Variants in OSBPL11 observed in about 807,000 individuals in gnomAD.
OSBPL11 encodes the protein oxysterol binding protein like 11, also known as oxysterol-binding protein-related protein 11.
OSBPL11 carries 33 observed loss-of-function variants against 84.4 expected under a neutral mutation model. That is an observed-to-expected ratio of 0.39 (90% CI 0.30 to 0.52). The LOEUF is 0.52. Ranked by LOEUF, OSBPL11 falls within the 20% of genes least tolerant of loss-of-function variation. OSBPL11 has a pLI of 0.72. For missense variants in OSBPL11, 736 were observed against 901.1 expected, an observed-to-expected ratio of 0.82 and a Z score of 2.35; for synonymous variants, 276 against 310.2, an observed-to-expected ratio of 0.89 and a Z score of 1.16.
chr3:125,546,563 C>T (rs1254566041), intron 10 of OSBPL11, among the ~76,000 whole-genome samples: 5 of 152,038 alleles, frequency 3.3e-5, no homozygotes, highest in Non-Finnish European at 7.4e-5. Flanking sequence ...AAATCCTGAC[C>T]TCAGGTGATC....
At chr3:125,569,383 T>C (rs1461851795) in intron 5 of OSBPL11, among the ~76,000 whole-genome samples, 1 of 151,964 alleles carries the variant, frequency 6.6e-6, no homozygotes, top group East Asian at 1.9e-4. Context: ...CATTTACCCA[T>C]CCCAGAAAAA....
At chr3:125,580,098 C>CA in intron 2 of OSBPL11, 58 bp from the exon 3 acceptor site, 1 of 1,434,120 alleles carries the variant, frequency 7.0e-7, no homozygotes, top group Non-Finnish European at 9.6e-7. Context: ...CAAACTAAAG[C>CA]AAAGCAAACT....
chr3:125,579,874 T>C lies in OSBPL11; in HGVS notation c.400A>G (p.Lys134Glu), dbSNP rs777730891. Residue 134 changes from lysine (K) to glutamate (E), a missense_variant, in exon 3 of 13, where the codon AAA (lysine) becomes GAA (glutamate). This residue lies in a region of OSBPL11 where 43 missense variants were observed against 78.7 expected (regional missense o/e 0.55). Coordinates refer to ENST00000296220, the MANE Select transcript of OSBPL11 (RefSeq NM_022776.5). The part of the protein sequence containing the change: ...TVNAASGEQY[K>E]LRATDAKERQ... ...CATATTTTGGTCATACCTCTGAGTTTATATTGTTCCCCACTGGCAGCGTTT... is the reference window on the plus strand; with the variant it reads ...CATATTTTGGTCATACCTCTGAGTTCATATTGTTCCCCACTGGCAGCGTTT... 17 of 1,614,060 alleles carry C rather than the reference T, an allele frequency of 1.1e-5. No individual in the cohort carries two copies. In the Admixed American group the frequency reaches 2.7e-4, roughly 25 times the overall value.
intron 10 of OSBPL11, among the ~76,000 whole-genome samples, chr3:125,541,885 C>CA (rs1935733792): frequency 6.6e-6 from 1 of 152,124 alleles, no homozygotes; most frequent in African/African-American, 2.4e-5. Context: ...ACCCGGCCCC[C>CA]AAATCTTGCA....
chr3:125,577,690 G>A (rs553334414), intron 4 of OSBPL11, among the ~76,000 whole-genome samples: 44 of 152,234 alleles, frequency 2.9e-4, no homozygotes, highest in African/African-American at 9.4e-4. Context: ...TTAGCCGGGC[G>A]TGGTGGCAGG....
At chr3:125,538,830 T>C (rs980033015) in intron 10 of OSBPL11, among the ~76,000 whole-genome samples, 197 bp from the exon 11 acceptor site, 1 of 152,178 alleles carries the variant, frequency 6.6e-6, no homozygotes, top group African/African-American at 2.4e-5. Flanking sequence ...ATAATATCAA[T>C]TTTAATCTTT....
intron 11 of OSBPL11, among the ~76,000 whole-genome samples, chr3:125,535,628 A>G (rs1403566755): frequency 6.6e-6 from 1 of 151,228 alleles, no homozygotes; most frequent in Non-Finnish European, 1.5e-5. Flanking sequence ...TTTTTAGTAG[A>G]GATGCCTGGC....
intron 1 of OSBPL11, among the ~76,000 whole-genome samples, chr3:125,587,912 C>G (rs1490498580): frequency 6.6e-6 from 1 of 152,154 alleles, no homozygotes; most frequent in Non-Finnish European, 1.5e-5. Context: ...GCACTCCAGC[C>G]TGGGAAACAG....
intron 2 of OSBPL11, among the ~76,000 whole-genome samples, chr3:125,580,805 T>C (rs974830342): frequency 5.3e-5 from 8 of 152,258 alleles, no homozygotes; most frequent in African/African-American, 1.9e-4. Flanking sequence ...TGCATTGTGA[T>C]TTAAGAATTA....
chr3:125,560,434 C>T lies in OSBPL11; in HGVS notation c.1100G>A (p.Arg367His), dbSNP rs745409687. 3.3e-5 allele frequency: 53 copies of T among 1,607,850 alleles called. No individual in the cohort carries two copies. Among genetic ancestry groups the T allele is most frequent in the Admixed American group, 1.7e-4 (10 of 59,692 alleles). The part of the protein sequence containing the change: ...EDDLGAVEEQ[R>H]SVILHLLSQL... ...TGACAAGAGATGTAGGATGACACTA[C>T]GTTGTTCTTCTACAGCTCCCAGGTC... Residue 367 changes from arginine (R) to histidine (H), a missense_variant, in exon 8 of 13, where the codon CGT becomes CAT. Arg to His is a conservative substitution (Grantham distance 29). Transcript: ENST00000296220.
chr3:125,555,486 G>C (rs1935979825), intron 8 of OSBPL11, among the ~76,000 whole-genome samples: 2 of 152,172 alleles, frequency 1.3e-5, no homozygotes, highest in African/African-American at 4.8e-5. Context: ...AAAAACATGA[G>C]TTGTCACACT....
rs1465398948 is a variant in OSBPL11, at chr3:125,552,644, G to C, written c.1191C>G (p.Ser397=). The C allele has an allele frequency of 6.2e-7, 1 of 1,613,490 alleles. No individual in the cohort carries two copies. Among genetic ancestry groups the C allele is most frequent in the Non-Finnish European group, 8.5e-7 (1 of 1,179,808 alleles). ...VLPTFILEKR[S]LLEMYADFMS... Reference sequence around the variant, plus strand: ...TAAAGTCTGCATACATTTCCAGCAAGGAACGCTTCTCTAGGATAAATGTAG... The same window carrying C: ...TAAAGTCTGCATACATTTCCAGCAACGAACGCTTCTCTAGGATAAATGTAG... Residue 397 remains serine (S), a synonymous_variant, in exon 9 of 13, where the codon TCC becomes TCG. Coordinates refer to ENST00000296220, the MANE Select transcript of OSBPL11 (RefSeq NM_022776.5).
chr3:125,590,759 T>C (rs1427650638), intron 1 of OSBPL11, among the ~76,000 whole-genome samples: 1 of 152,182 alleles, frequency 6.6e-6, no homozygotes, highest in Non-Finnish European at 1.5e-5. Context: ...ATTTGCTACA[T>C]AAGTTAGAAC....
intron 1 of OSBPL11, among the ~76,000 whole-genome samples, chr3:125,584,965 T>TG (rs372154081): frequency 8.9e-4 from 136 of 152,012 alleles, no homozygotes; most frequent in Middle Eastern, 3.4e-3. Context: ...TTTGTGGGGA[T>TG]GGGGGGGTCT....
intron 6 of OSBPL11, among the ~76,000 whole-genome samples, 170 bp downstream of exon 6, chr3:125,567,224 C>G (rs1580053860): frequency 6.6e-6 from 1 of 152,158 alleles, no homozygotes; most frequent in Non-Finnish European, 1.5e-5. Flanking sequence ...AAAAAGGACA[C>G]AATCATTAAG....
chr3:125,560,132 G>A (rs1462428783), intron 8 of OSBPL11, among the ~76,000 whole-genome samples: 1 of 151,930 alleles, frequency 6.6e-6, no homozygotes, highest in Non-Finnish European at 1.5e-5. Flanking sequence ...ATGGTGGTGG[G>A]CACCTGTAAT....
At chr3:125,543,241 C>T (rs771979740) in intron 10 of OSBPL11, among the ~76,000 whole-genome samples, 7 of 148,618 alleles carry the variant, frequency 4.7e-5, no homozygotes, top group Non-Finnish European at 8.9e-5. Context: ...AAGCAATTCT[C>T]GTGTCTTGGC....
Position 125,595,093 on chromosome 3 carries a change from A to G in OSBPL11, c.-293T>C. Reference sequence around the variant, plus strand: ...CATCCGGCGAGAAGACTTAAGTGACATACTCAAAAGAGAAGGAGTGTGGGG... The same window carrying G: ...CATCCGGCGAGAAGACTTAAGTGACGTACTCAAAAGAGAAGGAGTGTGGGG... On this transcript the variant is annotated 5_prime_UTR_variant, in exon 1 of 13. An upstream start codon of the reference 5' UTR is lost. Coordinates refer to ENST00000296220, the MANE Select transcript of OSBPL11 (RefSeq NM_022776.5). The G allele has an allele frequency of 3.3e-6, 1 of 303,720 alleles. No individual in the cohort carries two copies. The highest frequency in any genetic ancestry group is 6.3e-6 in the Non-Finnish European group (1 of 158,986). 18.8% of individuals were successfully genotyped at this position (303,720 alleles called of 1,614,324 possible).
chr3:125,562,637 T>C (rs537452931), intron 7 of OSBPL11, among the ~76,000 whole-genome samples: 11 of 152,062 alleles, frequency 7.2e-5, no homozygotes, highest in African/African-American at 2.2e-4. Flanking sequence ...AGAAAAAAAA[T>C]AGGAGAAGGC....
Sources: gnomAD v4.1 joint callset for allele counts (sites outside exome capture counted in the v4.1 genomes callset) on GRCh38, gnomAD v4.1.1 for gene constraint, gnomAD v4.1.1 regional missense constraint, MANE v1.5 for transcripts, NCBI Gene and HGNC (gene_info 2026-07-23, HGNC 2026-07-21) for gene names.